Variants in ITGAM observed in about 807,000 individuals in gnomAD.
ITGAM encodes the protein integrin alpha-M.
In ITGAM, 79 loss-of-function variants were observed where a neutral mutation model predicts 137.5. The observed-to-expected ratio is 0.57, with a 90% confidence interval of 0.48 to 0.69. The LOEUF (loss-of-function observed/expected upper bound fraction) is 0.69. Among genes scored for constraint, ITGAM ranks in the 30% least tolerant of loss-of-function variants. ITGAM has a pLI of 0.00. For synonymous variants in ITGAM, 583 were observed against 592.3 expected, an observed-to-expected ratio of 0.98 and a Z score of 0.23; for missense variants, 1,343 against 1,483.5, an observed-to-expected ratio of 0.91 and a Z score of 1.56.
rs1464573207 is a variant in ITGAM, at chr16:31,328,213, C to T, written c.2775C>T (p.Val925=). Residue 925 remains valine (V), a synonymous_variant, in exon 23 of 30, where the codon GTC becomes GTT. Transcript: ENST00000544665. ...TGGAGCTGCCGGTGAAATATGCTGTCTACATGGTGGTCACCAGGTGCTGGC... is the reference window on the plus strand; with the variant it reads ...TGGAGCTGCCGGTGAAATATGCTGTTTACATGGTGGTCACCAGGTGCTGGC... ...FQLELPVKYA[V]YMVVTSHGVS... is the part of the protein sequence containing the mutation. 1 of 1,613,944 alleles carries T rather than the reference C, an allele frequency of 6.2e-7. No individual in the cohort carries two copies. The highest frequency in any genetic ancestry group is 2.2e-5 in the East Asian group (1 of 44,890).
At chr16:31,282,077 C>T (rs868496274) in intron 12 of ITGAM, among the ~76,000 whole-genome samples, 12 of 151,938 alleles carry the variant, frequency 7.9e-5, no homozygotes, top group Non-Finnish European at 1.5e-4. Context: ...CACTGTGGTC[C>T]GAGAGACAGT....
intron 12 of ITGAM, among the ~76,000 whole-genome samples, chr16:31,281,895 G>A (rs900083145): frequency 6.6e-6 from 1 of 152,114 alleles, no homozygotes; most frequent in African/African-American, 2.4e-5. Flanking sequence ...CTTTAAATGT[G>A]TCTCAGGATT....
intron 7 of ITGAM, 88 bp from the exon 8 acceptor site, chr16:31,273,277 C>A: frequency 8.6e-7 from 1 of 1,168,372 alleles, no homozygotes; most frequent in Non-Finnish European, 1.2e-6. Context: ...GCCTGGATAA[C>A]AGAGTGAGTG....
chr16:31,331,260 C>G lies in ITGAM; in HGVS notation c.3372C>G (p.Thr1124=), dbSNP rs752434898. ...VGGLLLLALI[T]AALYKLGFFK... ...GACTGCTGCTCCTGGCCCTCATCAC[C>G]GCCGCGCTGTACAAGGTGCTCCCCG... Residue 1124 remains threonine, a synonymous_variant, in exon 29 of 30, where the codon ACC becomes ACG. Coordinates refer to ENST00000544665, the MANE Select transcript of ITGAM (RefSeq NM_000632.4). 6.2e-7 allele frequency: 1 copy of G among 1,610,182 alleles called. No homozygotes were observed. Among genetic ancestry groups the G allele is most frequent in the Non-Finnish European group, 8.5e-7 (1 of 1,177,548 alleles).
intron 12 of ITGAM, among the ~76,000 whole-genome samples, chr16:31,286,707 G>A (rs780057579): frequency 3.3e-4 from 50 of 152,026 alleles, no homozygotes; most frequent in Non-Finnish European, 6.9e-4. Flanking sequence ...TTTGTTTCTT[G>A]CTTGTTGATT....
At chr16:31,263,096 C>G (rs2079723743) in intron 2 of ITGAM, among the ~76,000 whole-genome samples, 1 of 152,144 alleles carries the variant, frequency 6.6e-6, no homozygotes, top group Non-Finnish European at 1.5e-5. Flanking sequence ...TGCCTGCCAC[C>G]ACGCCTGGCT....
At chr16:31,264,670 G>T (rs1318478968) in intron 2 of ITGAM, among the ~76,000 whole-genome samples, 1 of 151,732 alleles carries the variant, frequency 6.6e-6, no homozygotes, top group Non-Finnish European at 1.5e-5. Context: ...TGGTTGGCCT[G>T]GGACTACAGG....
chr16:31,324,331 C>A lies in ITGAM; in HGVS notation c.2003-68C>A. ...ACAGCTGAGAAGCAGAGGAGCTGGG[C>A]CTTGAACTCCCATCTGCCGGGTTCC... On this transcript the variant is annotated intron_variant, in intron 16 of 29. Coordinates refer to ENST00000544665, the MANE Select transcript of ITGAM (RefSeq NM_000632.4). This position sits in a 1 kb window ranked among gnomAD's most constrained non-coding sequence, Gnocchi z 4.5. The A allele has an allele frequency of 7.3e-7, 1 of 1,368,118 alleles. No individual in the cohort carries two copies. Among genetic ancestry groups the A allele is most frequent in the Non-Finnish European group, 1.0e-6 (1 of 984,590 alleles). The allele number at this position is 1,368,118 out of a possible 1,614,324, so 84.7% of individuals were successfully genotyped here. A position where few individuals can be genotyped will look rare whatever the true frequency, so the allele number is the denominator to read the frequency against.
intron 12 of ITGAM, among the ~76,000 whole-genome samples, chr16:31,293,987 C>G (rs2144368307): frequency 6.6e-6 from 1 of 152,158 alleles, no homozygotes; most frequent in East Asian, 1.9e-4. Context: ...TTATTTTATT[C>G]TTTTTGTGGC....
intron 22 of ITGAM, 189 bp from the exon 23 acceptor site, chr16:31,327,952 AGGTGGT>A: frequency 1.7e-6 from 1 of 580,438 alleles, no homozygotes; most frequent in Non-Finnish European, 3.1e-6. Context: ...AGTTAGAAGA[AGGTGGT>A]TGCAGACATC....
chr16:31,329,862 A>C lies in ITGAM; in HGVS notation c.2933A>C (p.Asn978Thr). The change falls in exon 25 of 30, where the codon AAC becomes ACC. Residue 978 changes from asparagine (N) to threonine (T), a missense_variant. Coordinates refer to ENST00000544665, the MANE Select transcript of ITGAM (RefSeq NM_000632.4). ...GTGTTCTTGGTGCCCGTCCGGCTGA[A>C]CCAGACTGTCATATGGGACCGCCCC... is the stretch of plus-strand genomic sequence containing the variant. ...SLVFLVPVRLNQTVIWDRPQV... is the reference protein window; with the variant it reads ...SLVFLVPVRLTQTVIWDRPQV... 1 of 1,564,708 alleles carries C rather than the reference A, an allele frequency of 6.4e-7. No individual in the cohort carries two copies. Among genetic ancestry groups the C allele is most frequent in the Non-Finnish European group, 8.7e-7 (1 of 1,154,630 alleles).
chr16:31,275,728 A>C (rs763444045), intron 9 of ITGAM, 29 bp downstream of exon 9: 3 of 1,612,220 alleles, frequency 1.9e-6, no homozygotes, highest in Non-Finnish European at 2.5e-6. Context: ...TTCCCAGAGC[A>C]GCTCCAGAGG....
chr16:31,328,302 ATG>A (rs2080530116), intron 23 of ITGAM, 72 bp downstream of exon 23: 5 of 1,179,364 alleles, frequency 4.2e-6, no homozygotes, highest in Non-Finnish European at 5.1e-6. Flanking sequence ...ATCTGTGTGC[ATG>A]AGTCTGTGCA....
At chr16:31,326,081 G>T (rs1185646873) in intron 21 of ITGAM, among the ~76,000 whole-genome samples, 1 of 151,792 alleles carries the variant, frequency 6.6e-6, no homozygotes, top group African/African-American at 2.4e-5. Context: ...TAAATAAAAT[G>T]AAATAAAATA....
rs946063237 is a variant in ITGAM at position 31,329,702 on chromosome 16, C to A, written c.2869-96C>A. 2.6e-5 allele frequency: 26 copies of A among 990,548 alleles called. 1 individual carries two copies. In the Admixed American group the frequency reaches 5.3e-4, roughly 20 times the overall value. 61.4% of individuals were successfully genotyped at this position (990,548 alleles called of 1,614,324 possible). A position where few individuals can be genotyped will look rare whatever the true frequency, so the allele number is the denominator to read the frequency against. On this transcript the variant is annotated intron_variant, in intron 24 of 29. Transcript: ENST00000544665. ...TCTCAAACAGGAAGGGGCAGGACGC[C>A]CGGGCCTATGGCCTGCCCCGTGGGG...
intron 14 of ITGAM, among the ~76,000 whole-genome samples, chr16:31,307,284 G>A (rs1168999787): frequency 1.3e-5 from 2 of 152,300 alleles, no homozygotes; most frequent in East Asian, 3.9e-4. Context: ...CACGAGCATG[G>A]AATGTTCTTC....
rs1213497277 is a variant in ITGAM, at chr16:31,324,063, AAGGAAAGGAAGGAAAGT to A, written c.2003-319_2003-303del. On this transcript the variant is annotated intron_variant, in intron 16 of 29. Coordinates refer to ENST00000544665, the MANE Select transcript of ITGAM (RefSeq NM_000632.4). This position sits in a 1 kb window ranked among gnomAD's most constrained non-coding sequence, Gnocchi z 4.5. ...AAAGGAAGGAAGGAAGAAGGGAAGGAAGGAAAGGAAGGAAAGTAGGAAAGGAAGGAAAGGAAGAAAAG... is the reference window on the plus strand; with the variant it reads ...AAAGGAAGGAAGGAAGAAGGGAAGGAAGGAAAGGAAGGAAAGGAAGAAAAG... Among the ~76,000 whole-genome samples, 1 of 150,630 alleles carries A rather than the reference AAGGAAAGGAAGGAAAGT, an allele frequency of 6.6e-6. No individual in the cohort carries two copies. Among genetic ancestry groups the A allele is most frequent in the African/African-American group, 2.4e-5 (1 of 40,902 alleles).
chr16:31,269,340 T>C (rs6565225), intron 5 of ITGAM, among the ~76,000 whole-genome samples: 108,680 of 151,998 alleles, frequency 0.72, 39,755 homozygotes, highest in Middle Eastern at 0.86. Context: ...TAATTTCTCA[T>C]CTTGTGGCTA....
At chr16:31,295,103 C>T (rs1250573764) in intron 12 of ITGAM, among the ~76,000 whole-genome samples, 1 of 152,134 alleles carries the variant, frequency 6.6e-6, no homozygotes, top group Admixed American at 6.6e-5. Context: ...TATGCCACCA[C>T]CTTGCTGTTA....
Sources: allele counts gnomAD v4.1 joint callset (sites outside exome capture counted in the v4.1 genomes callset), GRCh38; gene constraint gnomAD v4.1.1; non-coding constraint Gnocchi (gnomAD v3.1); transcripts MANE v1.5; gene names NCBI Gene and HGNC (gene_info 2026-07-23, HGNC 2026-07-21).